The following BMPR1B variants were observed in gnomAD, a reference collection of about 807,000 sequenced individuals.
The protein encoded by BMPR1B is bone morphogenetic protein receptor type-1B.
BMPR1B carries 12 observed loss-of-function variants against 59.1 expected under a neutral mutation model. The observed-to-expected ratio is 0.20, with a 90% CI of 0.13 to 0.33. The LOEUF (loss-of-function observed/expected upper bound fraction) is 0.33, where lower values mean the gene tolerates loss of function less well. Ranked by LOEUF, BMPR1B falls within the 10% of genes least tolerant of loss-of-function variation. The probability of loss-of-function intolerance (pLI) is 1.00; values close to 1 mark genes in which losing one functional copy is unlikely to be tolerated. For missense variants in BMPR1B, 550 were observed against 610.9 expected (o/e 0.90, Z 1.05); for synonymous variants, 237 against 207.3 (o/e 1.14, Z -1.23).
chr4:95,141,631 A>G (rs1052819711), intron 10 of BMPR1B, among the ~76,000 whole-genome samples: 4 of 152,136 alleles, frequency 2.6e-5, no homozygotes, highest in African/African-American at 4.8e-5. Context: ...ATTACCTTCA[A>G]TCTCTATTGG....
chr4:94,862,776 TCTA>T (rs1350838667), intron 1 of BMPR1B, among the ~76,000 whole-genome samples: 1 of 151,492 alleles, frequency 6.6e-6, no homozygotes, highest in Non-Finnish European at 1.5e-5. Context: ...AAACCCCGTC[TCTA>T]CTAAAAATAC....
intron 1 of BMPR1B, among the ~76,000 whole-genome samples, chr4:94,771,137 A>G (rs1224493263): frequency 6.6e-6 from 1 of 152,208 alleles, no homozygotes; most frequent in Non-Finnish European, 1.5e-5. Flanking sequence ...GCAGATATAC[A>G]CACACATACA....
chr4:95,027,961 C>T (rs1724540099), intron 3 of BMPR1B, among the ~76,000 whole-genome samples: 1 of 152,126 alleles, frequency 6.6e-6, no homozygotes, highest in African/African-American at 2.4e-5. Flanking sequence ...ATTGATTTAA[C>T]TTAATGAATA....
At chr4:95,077,323 A>G (rs974177674) in intron 3 of BMPR1B, among the ~76,000 whole-genome samples, 1 of 152,124 alleles carries the variant, frequency 6.6e-6, no homozygotes, top group Non-Finnish European at 1.5e-5. Context: ...AAGACCCTAT[A>G]TTATATAGGC....
intron 3 of BMPR1B, among the ~76,000 whole-genome samples, chr4:95,019,207 G>T (rs56108757): frequency 0.024 from 3,684 of 152,168 alleles, 61 homozygotes; most frequent in Middle Eastern, 0.051. Flanking sequence ...TTTATCCAGA[G>T]AACTGAAAAA....
chr4:94,761,938 G>A (rs1208425473), intron 1 of BMPR1B, among the ~76,000 whole-genome samples: 1 of 152,124 alleles, frequency 6.6e-6, no homozygotes, highest in Non-Finnish European at 1.5e-5. Flanking sequence ...TCGCTTATAT[G>A]ACTTAATAAC....
At chr4:94,999,960 C>T (rs899946146) in intron 3 of BMPR1B, among the ~76,000 whole-genome samples, 1 of 152,116 alleles carries the variant, frequency 6.6e-6, no homozygotes. Flanking sequence ...TGTGAAATAG[C>T]AGCTGTTTCT....
chr4:95,051,289 A>C (rs925512758), intron 3 of BMPR1B, among the ~76,000 whole-genome samples: 1 of 152,240 alleles, frequency 6.6e-6, no homozygotes, highest in Non-Finnish European at 1.5e-5. Flanking sequence ...TGTTGGTAAA[A>C]GAAACAAACT....
At chr4:95,024,204 G>A (rs1724194978) in intron 3 of BMPR1B, among the ~76,000 whole-genome samples, 1 of 152,166 alleles carries the variant, frequency 6.6e-6, no homozygotes, top group Non-Finnish European at 1.5e-5. Flanking sequence ...TTTGCACACT[G>A]CACGTTCTTT....
At chr4:95,091,006 A>G (rs572568449) in intron 3 of BMPR1B, among the ~76,000 whole-genome samples, 1 of 152,192 alleles carries the variant, frequency 6.6e-6, no homozygotes, top group East Asian at 1.9e-4. Flanking sequence ...AGATTTCTAA[A>G]TGTTTGTGTA....
intron 12 of BMPR1B, among the ~76,000 whole-genome samples, chr4:95,153,991 T>C (rs1284909019): frequency 6.6e-6 from 1 of 152,238 alleles, no homozygotes; most frequent in African/African-American, 2.4e-5. Flanking sequence ...TGTGGGCTTT[T>C]GGTGTTACTT....
chr4:95,047,752 T>C (rs188053053), intron 3 of BMPR1B, among the ~76,000 whole-genome samples: 64 of 152,344 alleles, frequency 4.2e-4, no homozygotes, highest in African/African-American at 1.4e-3. Context: ...CATTCTACCA[T>C]TGATTTACTT....
intron 1 of BMPR1B, among the ~76,000 whole-genome samples, chr4:94,824,711 A>C (rs889830880): frequency 1.3e-5 from 2 of 152,174 alleles, no homozygotes; most frequent in Non-Finnish European, 2.9e-5. Context: ...CACACAGAAA[A>C]ATTTCTGTTT....
intron 1 of BMPR1B, among the ~76,000 whole-genome samples, chr4:94,810,492 A>G (rs1723771414): frequency 6.6e-6 from 1 of 152,176 alleles, no homozygotes; most frequent in African/African-American, 2.4e-5. Context: ...GGGAATGGAA[A>G]CTTACAGTAA....
chr4:95,092,706 G>A (rs986174896), intron 3 of BMPR1B, among the ~76,000 whole-genome samples: 1 of 152,054 alleles, frequency 6.6e-6, no homozygotes, highest in African/African-American at 2.4e-5. Flanking sequence ...GGTTCTAAAT[G>A]TTTTCCAGGT....
intron 1 of BMPR1B, among the ~76,000 whole-genome samples, chr4:94,767,911 TAATAA>T (rs1722029640): frequency 6.6e-6 from 1 of 152,064 alleles, no homozygotes; most frequent in Non-Finnish European, 1.5e-5. Context: ...TTCGATAACA[TAATAA>T]AATTATTTAA....
chr4:95,105,165 A>G (rs1217853726), intron 4 of BMPR1B, among the ~76,000 whole-genome samples: 3 of 152,110 alleles, frequency 2.0e-5, no homozygotes, highest in East Asian at 1.9e-4. Flanking sequence ...TCTTCCTTAA[A>G]TGCCTTTATG....
intron 6 of BMPR1B, among the ~76,000 whole-genome samples, chr4:95,118,701 T>C (rs1466653650): frequency 1.3e-5 from 2 of 152,178 alleles, no homozygotes; most frequent in Admixed American, 6.5e-5. Flanking sequence ...TCTGGAACTG[T>C]TCACTTTCTG....
At position 95,007,856 on chromosome 4, in the gene BMPR1B, A is replaced by G. The variant is rs138673364; in HGVS notation, c.-18+11722A>G. On this transcript the variant is annotated intron_variant, in intron 3 of 12. Transcript: ENST00000515059. ...TACCTAATGTGTTAACCCATACCAAAGTCTATAGAAATAATCAGTGGTAGG... is the reference window on the plus strand; with the variant it reads ...TACCTAATGTGTTAACCCATACCAAGGTCTATAGAAATAATCAGTGGTAGG... Among the ~76,000 whole-genome samples, 208 of 152,352 alleles carry G rather than the reference A, an allele frequency of 1.4e-3. 4 individuals carry two copies. The East Asian group carries it at 0.032, about 23-fold the overall frequency.
Sources: allele counts gnomAD v4.1 joint callset (sites outside exome capture counted in the v4.1 genomes callset), GRCh38; gene constraint gnomAD v4.1.1; transcripts MANE v1.5; gene names NCBI Gene and HGNC (gene_info 2026-07-23, HGNC 2026-07-21).